The following VWA3A variants were observed in gnomAD, a reference collection of about 807,000 sequenced individuals.
The protein encoded by VWA3A is von Willebrand factor A domain containing 3A, also known as von Willebrand factor A domain-containing protein 3A.
A neutral mutation model predicts 160.4 loss-of-function variants in VWA3A; 134 were observed. That is an observed-to-expected ratio of 0.84 (90% CI 0.73 to 0.96). The LOEUF (loss-of-function observed/expected upper bound fraction) is 0.96, where lower values mean the gene tolerates loss of function less well. Among genes scored for constraint, VWA3A ranks in the 40% least tolerant of loss-of-function variants. VWA3A has a pLI of 0.00. For missense variants in VWA3A, 1,310 were observed against 1,447.9 expected (o/e 0.90, Z 1.55); for synonymous variants, 476 against 543.4 (o/e 0.88, Z 1.72).
chr16:22,109,646 CT>C (rs1379169990), intron 7 of VWA3A, 66 bp downstream of exon 7: 2 of 1,412,172 alleles, frequency 1.4e-6, no homozygotes, highest in Non-Finnish European at 2.0e-6. Context: ...CCTTCCTGAG[CT>C]TGCTGACGAG....
At chr16:22,096,495 A>C (rs955519404) in intron 1 of VWA3A, among the ~76,000 whole-genome samples, 1 of 152,120 alleles carries the variant, frequency 6.6e-6, no homozygotes, top group African/African-American at 2.4e-5. Flanking sequence ...GGTGACTCAC[A>C]TCTCTAATCC....
intron 14 of VWA3A, 108 bp downstream of exon 14, chr16:22,121,725 T>G (rs1453553104): frequency 1.2e-6 from 1 of 860,920 alleles, no homozygotes; most frequent in Non-Finnish European, 1.9e-6. Context: ...GATTCAGGCT[T>G]CCCACCCAGG....
At chr16:22,115,929 A>AGGAAAGGAG (rs2045632183) in intron 9 of VWA3A, among the ~76,000 whole-genome samples, 1 of 18,780 alleles carries the variant, frequency 5.3e-5, no homozygotes, top group Admixed American at 7.1e-4. Flanking sequence ...AAGGAAAGGA[A>AGGAAAGGAG]AGGAAAGGAA....
intron 6 of VWA3A, among the ~76,000 whole-genome samples, chr16:22,104,929 C>G (rs1598048926): frequency 6.6e-6 from 1 of 151,952 alleles, no homozygotes; most frequent in Non-Finnish European, 1.5e-5. Flanking sequence ...TACCCAGATG[C>G]AGATGCTAAA....
At chr16:22,142,537 G>C in intron 24 of VWA3A, 131 bp from the exon 25 acceptor site, 1 of 660,352 alleles carries the variant, frequency 1.5e-6, no homozygotes, top group Non-Finnish European at 2.7e-6. Context: ...ATCTATTCAT[G>C]AGGGATCCGT....
intron 23 of VWA3A, 29 bp downstream of exon 23, chr16:22,140,273 G>A: frequency 6.2e-7 from 1 of 1,606,810 alleles, no homozygotes; most frequent in Non-Finnish European, 8.5e-7. Flanking sequence ...CAGGCAGGGT[G>A]GAGGGATGTC....
chr16:22,119,758 C>G (rs2045702672), intron 12 of VWA3A, among the ~76,000 whole-genome samples: 2 of 152,134 alleles, frequency 1.3e-5, no homozygotes, highest in Admixed American at 1.3e-4. Context: ...TGGCTCATGC[C>G]TGTAATCCCA....
chr16:22,131,202 A>G lies in VWA3A; in HGVS notation c.1653-3A>G. 6.2e-7 allele frequency: 1 copy of G among 1,613,772 alleles called. No individual in the cohort carries two copies. The highest frequency in any genetic ancestry group is 8.5e-7 in the Non-Finnish European group (1 of 1,179,818). On this transcript the variant is annotated splice_region_variant and splice_polypyrimidine_tract_variant and intron_variant, in intron 17 of 33. Coordinates refer to ENST00000389398, the MANE Select transcript of VWA3A (RefSeq NM_173615.5). ...AAGAACGAACTCTCTTTGCTTCTTA[A>G]AGGTTTGGAAGCACAATTGAAAGCT...
intron 17 of VWA3A, among the ~76,000 whole-genome samples, chr16:22,128,044 A>G (rs991329929): frequency 2.6e-5 from 4 of 152,136 alleles, no homozygotes; most frequent in African/African-American, 9.7e-5. Flanking sequence ...TAGAGGCAAC[A>G]GCATGAGCAG....
At chr16:22,109,184 C>T (rs1178547003) in intron 6 of VWA3A, among the ~76,000 whole-genome samples, 1 of 152,078 alleles carries the variant, frequency 6.6e-6, no homozygotes, top group Non-Finnish European at 1.5e-5. Context: ...ACAAAGGGTG[C>T]TTTTCTATAG....
intron 25 of VWA3A, among the ~76,000 whole-genome samples, chr16:22,143,169 A>T (rs2046184609): frequency 6.6e-6 from 1 of 150,460 alleles, no homozygotes; most frequent in Admixed American, 6.6e-5. Flanking sequence ...AAAAAAAAGG[A>T]CAAACCTGAT....
chr16:22,131,236 G>C lies in VWA3A; in HGVS notation c.1684G>C (p.Glu562Gln), dbSNP rs2045941461. 1 of 1,613,906 alleles carries C rather than the reference G, an allele frequency of 6.2e-7. No homozygotes were observed. Among genetic ancestry groups the C allele is most frequent in the African/African-American group, 1.3e-5 (1 of 74,946 alleles). Reference sequence around the variant, plus strand: ...AAGCACAATTGAAAGCTGGAGGCCTGAGATGGTTCCCGTGAGTCACAACAA... The same window carrying C: ...AAGCACAATTGAAAGCTGGAGGCCTCAGATGGTTCCCGTGAGTCACAACAA... ...FGSTIESWRP[E>Q]MVPVSHNNLQ... Residue 562 changes from glutamate to glutamine, a missense_variant, in exon 18 of 34, where the codon GAG becomes CAG. Coordinates refer to ENST00000389398, the MANE Select transcript of VWA3A (RefSeq NM_173615.5).
intron 28 of VWA3A, 124 bp downstream of exon 28, chr16:22,148,430 C>T (rs1011042537): frequency 1.2e-5 from 16 of 1,330,726 alleles, no homozygotes; most frequent in African/African-American, 1.5e-5. Context: ...CTGAGTAACG[C>T]GTTTGAGTAG....
chr16:22,144,486 G>T, intron 26 of VWA3A, 102 bp downstream of exon 26: 1 of 1,472,716 alleles, frequency 6.8e-7, no homozygotes, highest in South Asian at 1.5e-5. Context: ...CTGCTTGTAG[G>T]AACTGCCCTC....
intron 25 of VWA3A, among the ~76,000 whole-genome samples, 159 bp downstream of exon 25, chr16:22,142,924 G>A (rs1213329935): frequency 2.6e-5 from 4 of 152,154 alleles, no homozygotes; most frequent in Admixed American, 6.5e-5. Context: ...GCTGAGGTGG[G>A]TGGATCACTT....
intron 9 of VWA3A, among the ~76,000 whole-genome samples, 157 bp downstream of exon 9, chr16:22,115,629 T>C (rs2045618119): frequency 6.6e-6 from 1 of 151,184 alleles, no homozygotes; most frequent in Non-Finnish European, 1.5e-5. Context: ...GCCAGGAGTT[T>C]GTGACCAGTC....
intron 6 of VWA3A, among the ~76,000 whole-genome samples, chr16:22,108,254 A>G (rs2045508182): frequency 6.6e-6 from 1 of 152,282 alleles, no homozygotes. Flanking sequence ...TAAGATGGGC[A>G]ATATTATAAC....
chr16:22,116,173 CAAAG>C (rs1452270433), intron 9 of VWA3A, among the ~76,000 whole-genome samples: 3 of 104,432 alleles, frequency 2.9e-5, no homozygotes, highest in Non-Finnish European at 1.8e-5. Context: ...AAGAAAGAAA[CAAAG>C]AATGAAAGAA....
At chr16:22,117,046 G>C in intron 10 of VWA3A, 65 bp from the exon 11 acceptor site, 1 of 1,528,432 alleles carries the variant, frequency 6.5e-7, no homozygotes, top group Non-Finnish European at 8.9e-7. Flanking sequence ...GTTCAGTCAA[G>C]GAGAAGGCTT....
Sources: allele counts gnomAD v4.1 joint callset (sites outside exome capture counted in the v4.1 genomes callset), GRCh38; gene constraint gnomAD v4.1.1; transcripts MANE v1.5; gene names NCBI Gene and HGNC (gene_info 2026-07-23, HGNC 2026-07-21).